ALYREF: variants seen among roughly 807,000 people sequenced by gnomAD.
The protein encoded by ALYREF is THO complex subunit 4.
Under a neutral mutation model 25.2 loss-of-function variants are expected in ALYREF, and 1 was observed. The observed-to-expected ratio is 0.04, with a 90% CI of 0.01 to 0.19. ALYREF has a LOEUF of 0.19. Ranked by LOEUF, ALYREF falls within the 10% of genes least tolerant of loss-of-function variation. The pLI is 1.00. For synonymous variants in ALYREF, 193 were observed against 153.5 expected (o/e 1.26, Z -1.90); for missense variants, 328 against 375.6 (o/e 0.87, Z 1.05).
At chr17:81,890,218 A>G (rs1448514927) in intron 2 of ALYREF, among the ~76,000 whole-genome samples, 1 of 152,184 alleles carries the variant, frequency 6.6e-6, no homozygotes, top group Non-Finnish European at 1.5e-5. Context: ...GGCGGTGGGG[A>G]GTGATAAAAC....
At position 81,888,569 on chromosome 17, in the gene ALYREF, TG is replaced by T; in HGVS notation, c.552del (p.Asn184LysfsTer19). The T allele has an allele frequency of 6.3e-7, 1 of 1,594,358 alleles. No individual in the cohort carries two copies. Among genetic ancestry groups the T allele is most frequent in the Non-Finnish European group, 8.6e-7 (1 of 1,169,576 alleles). On this transcript the variant is annotated frameshift_variant, in exon 4 of 6. Transcript: ENST00000505490. LOFTEE classifies it high-confidence loss of function. This position sits in a 1 kb window ranked among gnomAD's most constrained non-coding sequence, Gnocchi z 5.8. ...TCAATCTGTGACGTGACAAGCTGAATGTTCATGGGGCGGCCTGCGGCAAAGA... is the reference window on the plus strand; with the variant it reads ...TCAATCTGTGACGTGACAAGCTGAATTTCATGGGGCGGCCTGCGGCAAAGA... ...NGVPLDGRPM[N>X]IQLVTSQIDA...
At position 81,888,183 on chromosome 17, in the gene ALYREF, C is replaced by G; in HGVS notation, c.781-38G>C. On this transcript the variant is annotated intron_variant, in intron 5 of 5. Coordinates refer to ENST00000505490, the MANE Select transcript of ALYREF (RefSeq NM_005782.4). The surrounding 1 kb of genome is among the most constrained non-coding windows in gnomAD (Gnocchi z 5.8). ...GGAGAAAGAGGCTTGCATTCACAGG[C>G]GGCCTGCTCCCCACTGCGGCTTTGA... is the stretch of plus-strand genomic sequence containing the variant. The G allele has an allele frequency of 6.2e-7, 1 of 1,614,076 alleles. No homozygotes were observed. The highest frequency in any genetic ancestry group is 1.1e-5 in the South Asian group (1 of 91,082).
Position 81,888,011 on chromosome 17 carries a change from A to T in ALYREF, c.*120T>A. On this transcript the variant is annotated 3_prime_UTR_variant, in exon 6 of 6. Coordinates refer to ENST00000505490, the MANE Select transcript of ALYREF (RefSeq NM_005782.4). This position sits in a 1 kb window ranked among gnomAD's most constrained non-coding sequence, Gnocchi z 5.8. The stretch of plus-strand genomic sequence containing the variant: ...ACCTTTACATGAGTTTTTAAATCCT[A>T]TTTTAAAACATAAAAGAAACAAATC... 1.6e-6 allele frequency: 2 copies of T among 1,271,660 alleles called. No homozygotes were observed. The highest frequency in any genetic ancestry group is 2.2e-6 in the Non-Finnish European group (2 of 929,032). The allele number at this position is 1,271,660 out of a possible 1,614,324, so 78.8% of individuals were successfully genotyped here.
rs2039470872 is a variant in ALYREF, at chr17:81,889,255, T to C, written c.465A>G (p.Thr155=). The change falls in exon 3 of 6, where the codon ACA becomes ACG. Residue 155 remains threonine, a synonymous_variant. Transcript: ENST00000505490. ...CCTTCCGCTCAAAGTGCACGTCTGC[T>C]GTTCCTAAGCTGCGACCAGAGCGAT... ...HYDRSGRSLG[T]ADVHFERKAD... The C allele has an allele frequency of 6.2e-7, 1 of 1,614,138 alleles. No individual in the cohort carries two copies. Among genetic ancestry groups the C allele is most frequent in the Non-Finnish European group, 8.5e-7 (1 of 1,180,050 alleles).
chr17:81,889,502 G>A (rs1400915046), intron 2 of ALYREF, among the ~76,000 whole-genome samples, 173 bp from the exon 3 acceptor site: 1 of 152,208 alleles, frequency 6.6e-6, no homozygotes, highest in Non-Finnish European at 1.5e-5. Flanking sequence ...CAACTTCCAA[G>A]AGCACCTGGG....
Position 81,887,974 on chromosome 17 carries a change from G to GAAAA in ALYREF, c.*153_*156dup. On this transcript the variant is annotated 3_prime_UTR_variant, in exon 6 of 6. Coordinates refer to ENST00000505490, the MANE Select transcript of ALYREF (RefSeq NM_005782.4). ...TTTCAGAATTAAAAAAAAAAAAAAA[G>GAAAA]AAAAAAAAAAAACCTTTACATGAGT... The GAAAA allele has an allele frequency of 2.2e-6, 1 of 445,470 alleles. No individual in the cohort carries two copies. The highest frequency in any genetic ancestry group is 3.3e-6 in the Non-Finnish European group (1 of 299,356). The allele number at this position is 445,470 out of a possible 1,614,324, so 27.6% of individuals were successfully genotyped here.
intron 1 of ALYREF, 40 bp downstream of exon 1, chr17:81,891,282 GC>G (rs2039523512): frequency 4.5e-6 from 5 of 1,105,972 alleles, no homozygotes; most frequent in African/African-American, 1.7e-5. Context: ...GCCCCGGCTG[GC>G]CCCCTCCCAC....
rs2039525190 is a variant in ALYREF, at chr17:81,891,338, C to T, written c.243G>A (p.Pro81=). The part of the protein sequence containing the change: ...GAAGGGGRNR[P]APYSRPKQLP... ...CCGCACTCACCCTGCTGTAGGGCGC[C>T]GGTCGGTTCCTGCCGCCTCCGCCGG... is the stretch of plus-strand genomic sequence containing the variant. Residue 81 remains proline, a synonymous_variant, in exon 1 of 6, where the codon CCG becomes CCA. Transcript: ENST00000505490. 10 of 1,159,566 alleles carry T rather than the reference C, an allele frequency of 8.6e-6. No homozygotes were observed. The highest frequency in any genetic ancestry group is 3.0e-5 in the South Asian group (1 of 33,812). 71.8% of individuals were successfully genotyped at this position (1,159,566 alleles called of 1,614,324 possible). A position where few individuals can be genotyped will look rare whatever the true frequency, so the allele number is the denominator to read the frequency against.
chr17:81,890,582 G>C (rs1019223132), intron 2 of ALYREF, 107 bp downstream of exon 2: 18 of 1,504,272 alleles, frequency 1.2e-5, no homozygotes, highest in Non-Finnish European at 1.5e-5. Context: ...TCAGAGCTGG[G>C]AGGGCTCCCT....
Position 81,888,253 on chromosome 17 carries a change from G to A in ALYREF, c.768C>T (p.Ala256=), listed in dbSNP as rs775589087. The A allele has an allele frequency of 1.2e-6, 2 of 1,611,816 alleles. No individual in the cohort carries two copies. The highest frequency in any genetic ancestry group is 2.2e-5 in the East Asian group (1 of 44,834). ...CCCCGGGACTCACTCTCGCATTATA[G>A]GCGTCCAGCTGGGCATCCAGCTCCT... ...SAEELDAQLD[A]YNARMDTS is the part of the protein sequence containing the mutation. The change falls in exon 5 of 6, where the codon GCC becomes GCT. Residue 256 remains alanine, a synonymous_variant. Coordinates refer to ENST00000505490, the MANE Select transcript of ALYREF (RefSeq NM_005782.4). This position sits in a 1 kb window ranked among gnomAD's most constrained non-coding sequence, Gnocchi z 5.8.
In ALYREF at chr17:81,888,542, C is replaced by A. The variant is rs138567865; in HGVS notation, c.580G>T (p.Ala194Ser). 271 of 1,597,164 alleles carry A rather than the reference C, an allele frequency of 1.7e-4. 1 individual carries two copies. The highest frequency in any genetic ancestry group is 2.2e-4 in the Non-Finnish European group (260 of 1,171,092). Residue 194 changes from alanine to serine, a missense_variant, in exon 4 of 6, where the codon GCA becomes TCA. Physicochemically the swap from Ala to Ser is moderately conservative, Grantham distance 99. Around this residue, in one of 3 missense-constraint regions of ALYREF, gnomAD observed 108 missense variants for 110.5 expected, o/e 0.98. Transcript: ENST00000505490. The surrounding 1 kb of genome is among the most constrained non-coding windows in gnomAD (Gnocchi z 5.8). ...NIQLVTSQID[A>S]QRRPAQSVNR... is the part of the protein sequence containing the mutation. ...CACCTCTGTGCAGGCCTCCGCTGTG[C>A]GTCAATCTGTGACGTGACAAGCTGA...
chr17:81,890,862 G>C, intron 1 of ALYREF, 42 bp from the exon 2 acceptor site: 2 of 1,613,620 alleles, frequency 1.2e-6, no homozygotes, highest in Non-Finnish European at 1.7e-6. Flanking sequence ...GTGAGTCTCA[G>C]TCCAGGGCTT....
chr17:81,889,293 C>T lies in ALYREF; in HGVS notation c.427G>A (p.Ala143Thr). The T allele has an allele frequency of 6.2e-7, 1 of 1,614,210 alleles. No homozygotes were observed. The highest frequency in any genetic ancestry group is 8.5e-7 in the Non-Finnish European group (1 of 1,179,992). ...CGACCAGAGCGATCATAGTGCACAGCCGCCTTCTTCAGCGTTCCAAATTCA... is the reference window on the plus strand; with the variant it reads ...CGACCAGAGCGATCATAGTGCACAGTCGCCTTCTTCAGCGTTCCAAATTCA... ...FAEFGTLKKA[A>T]VHYDRSGRSL... is the part of the protein sequence containing the mutation. Residue 143 changes from alanine (A) to threonine (T), a missense_variant, in exon 3 of 6, where the codon GCT becomes ACT. Ala to Thr is a moderately conservative substitution (Grantham distance 58). Coordinates refer to ENST00000505490, the MANE Select transcript of ALYREF (RefSeq NM_005782.4).
rs1233668367 is a variant in ALYREF at position 81,888,870 on chromosome 17, C to T, written c.539-287G>A. On this transcript the variant is annotated intron_variant, in intron 3 of 5. Coordinates refer to ENST00000505490, the MANE Select transcript of ALYREF (RefSeq NM_005782.4). This position sits in a 1 kb window ranked among gnomAD's most constrained non-coding sequence, Gnocchi z 5.8. ...TGTGGGTGACCTGACGAAGAAGAAC[C>T]GGTACCTTTGTCTTTACGACTACAG... 4.3e-5 allele frequency: 61 copies of T among 1,407,812 alleles called. No individual in the cohort carries two copies. The highest frequency in any genetic ancestry group is 2.6e-4 in the Middle Eastern group (1 of 3,808). 87.2% of individuals were successfully genotyped at this position (1,407,812 alleles called of 1,614,324 possible).
chr17:81,888,346 G>C lies in ALYREF; in HGVS notation c.675C>G (p.Gly225=). The C allele has an allele frequency of 3.1e-6, 5 of 1,603,896 alleles. No homozygotes were observed. Among genetic ancestry groups the C allele is most frequent in the Non-Finnish European group, 4.2e-6 (5 of 1,178,094 alleles). The change falls in exon 5 of 6, where the codon GGC becomes GGG. Residue 225 remains glycine, a synonymous_variant. Coordinates refer to ENST00000505490, the MANE Select transcript of ALYREF (RefSeq NM_005782.4). This position sits in a 1 kb window ranked among gnomAD's most constrained non-coding sequence, Gnocchi z 5.8. ...GFGGGGGTRR[G]TRGGARGRGR... is the part of the protein sequence containing the mutation. ...CTCTTCCACGGGCGCCTCCGCGGGT[G>C]CCTCTCCGGGTGCCTCCACCACCAC...
chr17:81,888,775 C>G lies in ALYREF; in HGVS notation c.539-192G>C, dbSNP rs1435463403. On this transcript the variant is annotated intron_variant, in intron 3 of 5. Transcript: ENST00000505490. The surrounding 1 kb of genome is among the most constrained non-coding windows in gnomAD (Gnocchi z 5.8). ...CAAGGAAGCAACCCCACCAACACCTCCTCACTCCTTCTCAGTCCAGACTAG... is the reference window on the plus strand; with the variant it reads ...CAAGGAAGCAACCCCACCAACACCTGCTCACTCCTTCTCAGTCCAGACTAG... The G allele has an allele frequency of 6.9e-7, 1 of 1,446,904 alleles. No homozygotes were observed. The highest frequency in any genetic ancestry group is 9.1e-7 in the Non-Finnish European group (1 of 1,100,450). The allele number at this position is 1,446,904 out of a possible 1,614,324, so 89.6% of individuals were successfully genotyped here.
rs771001618 is a variant in ALYREF at position 81,888,173 on chromosome 17, C to T, written c.781-28G>A. On this transcript the variant is annotated intron_variant, in intron 5 of 5. Transcript: ENST00000505490. The surrounding 1 kb of genome is among the most constrained non-coding windows in gnomAD (Gnocchi z 5.8). Reference sequence around the variant, plus strand: ...GAAACACAGAGGAGAAAGAGGCTTGCATTCACAGGCGGCCTGCTCCCCACT... The same window carrying T: ...GAAACACAGAGGAGAAAGAGGCTTGTATTCACAGGCGGCCTGCTCCCCACT... 42 of 1,613,986 alleles carry T rather than the reference C, an allele frequency of 2.6e-5. 1 individual carries two copies. In the South Asian group the frequency reaches 4.3e-4, roughly 16 times the overall value.
rs1248309960 is a variant in ALYREF at position 81,888,165 on chromosome 17, G to C, written c.781-20C>G. The C allele has an allele frequency of 6.2e-7, 1 of 1,614,044 alleles. No individual in the cohort carries two copies. Among genetic ancestry groups the C allele is most frequent in the Non-Finnish European group, 8.5e-7 (1 of 1,180,040 alleles). On this transcript the variant is annotated intron_variant, in intron 5 of 5. Transcript: ENST00000505490. The surrounding 1 kb of genome is among the most constrained non-coding windows in gnomAD (Gnocchi z 5.8). ...GTCCATCTGAAACACAGAGGAGAAA[G>C]AGGCTTGCATTCACAGGCGGCCTGC...
chr17:81,888,643 G>A lies in ALYREF; in HGVS notation c.539-60C>T. On this transcript the variant is annotated intron_variant, in intron 3 of 5. Coordinates refer to ENST00000505490, the MANE Select transcript of ALYREF (RefSeq NM_005782.4). This position sits in a 1 kb window ranked among gnomAD's most constrained non-coding sequence, Gnocchi z 5.8. The stretch of plus-strand genomic sequence containing the variant: ...GAGAGGCTCTGAAACCCACCCAGCT[G>A]GCGCCACACCCTGGTCTCCATGCAA... 1.3e-6 allele frequency: 2 copies of A among 1,550,210 alleles called. No homozygotes were observed. The highest frequency in any genetic ancestry group is 1.7e-6 in the Non-Finnish European group (2 of 1,144,480).
Sources: gnomAD v4.1 joint callset for allele counts (sites outside exome capture counted in the v4.1 genomes callset) on GRCh38, gnomAD v4.1.1 for gene constraint, gnomAD v4.1.1 regional missense constraint, Gnocchi (gnomAD v3.1) non-coding constraint, MANE v1.5 for transcripts, NCBI Gene and HGNC (gene_info 2026-07-23, HGNC 2026-07-21) for gene names.